PFKFB3: variants seen among roughly 807,000 people sequenced by gnomAD.
PFKFB3 encodes 6-phosphofructo-2-kinase/fructose-2,6-biphosphatase 3, also known as 6-phosphofructo-2-kinase/fructose-2,6-bisphosphatase 3.
In PFKFB3, 33 loss-of-function variants were observed where a neutral mutation model predicts 68.0. That is an observed-to-expected ratio of 0.49 (90% confidence interval 0.37 to 0.65). The LOEUF (loss-of-function observed/expected upper bound fraction) is 0.65, where lower values mean the gene tolerates loss of function less well. PFKFB3 is among the 30% of genes least tolerant of loss of function. The probability of loss-of-function intolerance (pLI) is 0.00; values close to 1 mark genes in which losing one functional copy is unlikely to be tolerated. For missense variants in PFKFB3, 586 were observed against 712.2 expected (o/e 0.82, Z 2.02); for synonymous variants, 315 against 288.2 (o/e 1.09, Z -0.94).
At chr10:6,190,583 C>T (rs1320982739) in intron 1 of PFKFB3, among the ~76,000 whole-genome samples, 1 of 152,104 alleles carries the variant, frequency 6.6e-6, no homozygotes, top group Non-Finnish European at 1.5e-5. Flanking sequence ...GGGGGGACTG[C>T]TTGAGGCTGG....
At chr10:6,188,995 C>A (rs1005006956) in intron 1 of PFKFB3, among the ~76,000 whole-genome samples, 1 of 152,018 alleles carries the variant, frequency 6.6e-6, no homozygotes. Flanking sequence ...CCACCTTGCC[C>A]GGCTAATTTT....
chr10:6,259,844 A>G, the PFKFB3 span, among the ~76,000 whole-genome samples: 2 of 152,214 alleles, frequency 1.3e-5, no homozygotes, highest in African/African-American at 4.8e-5. Context: ...CTAGCCCAGC[A>G]TTAGTAGTTA....
In PFKFB3 at chr10:6,221,425, G is replaced by A. The variant is rs1323724515; in HGVS notation, c.876G>A (p.Lys292=). 1.2e-6 allele frequency: 2 copies of A among 1,613,896 alleles called. No individual in the cohort carries two copies. Among genetic ancestry groups the A allele is most frequent in the Non-Finnish European group, 8.5e-7 (1 of 1,180,024 alleles). ...AGTTCGTGGAGGAGCAGAACCTGAA[G>A]GACCTGCGCGTGTGGACCAGCCAGC... is the stretch of plus-strand genomic sequence containing the variant. ...LSKFVEEQNL[K]DLRVWTSQLK... The change falls in exon 9 of 15, where the codon AAG becomes AAA. Residue 292 remains lysine (K), a synonymous_variant. Transcript: ENST00000379775.
the PFKFB3 span, among the ~76,000 whole-genome samples, chr10:6,287,550 A>T: frequency 6.6e-5 from 10 of 152,196 alleles, no homozygotes; most frequent in African/African-American, 1.9e-4. Context: ...AATATAGCCT[A>T]GGTGTGCAGT....
chr10:6,316,572 A>C, the PFKFB3 span, among the ~76,000 whole-genome samples: 1 of 152,054 alleles, frequency 6.6e-6, no homozygotes, highest in Non-Finnish European at 1.5e-5. Context: ...TCTGCCTCCC[A>C]GGTTCAAGGG....
intron 1 of PFKFB3, among the ~76,000 whole-genome samples, chr10:6,205,462 G>T (rs773608692): frequency 1.5e-5 from 2 of 132,776 alleles, no homozygotes; most frequent in East Asian, 4.6e-4. Context: ...GTGCGATCTC[G>T]GCTCACTGCA....
intron 1 of PFKFB3, among the ~76,000 whole-genome samples, chr10:6,192,139 T>TACATACAC (rs775843709): frequency 4.3e-4 from 51 of 119,142 alleles, no homozygotes; most frequent in African/African-American, 1.7e-3. Context: ...CATTCCCCAA[T>TACATACAC]ACACACACAC....
At chr10:6,266,936 G>A in the PFKFB3 span, among the ~76,000 whole-genome samples, 60 of 152,316 alleles carry the variant, frequency 3.9e-4, no homozygotes, top group Non-Finnish European at 5.7e-4. Flanking sequence ...ACAGCGTAAC[G>A]CAAGATTGTC....
At chr10:6,178,642 C>T (rs1842607547) in intron 1 of PFKFB3, among the ~76,000 whole-genome samples, 1 of 152,194 alleles carries the variant, frequency 6.6e-6, no homozygotes, top group Non-Finnish European at 1.5e-5. Context: ...GTGGAGATGA[C>T]TGGGGAGCAG....
chr10:6,325,569 A>T, the PFKFB3 span, among the ~76,000 whole-genome samples: 1 of 152,230 alleles, frequency 6.6e-6, no homozygotes, highest in Non-Finnish European at 1.5e-5. Context: ...CACCATTTCA[A>T]TCAGGAAAAA....
At chr10:6,307,395 A>C in the PFKFB3 span, among the ~76,000 whole-genome samples, 6 of 151,960 alleles carry the variant, frequency 3.9e-5, no homozygotes, top group East Asian at 1.2e-3. Flanking sequence ...GTTTCTCTGG[A>C]GAACGCAATC....
intron 6 of PFKFB3, 89 bp downstream of exon 6, chr10:6,217,280 C>A: frequency 1.8e-6 from 2 of 1,130,062 alleles, no homozygotes; most frequent in South Asian, 2.5e-5. Context: ...GGGTCCGGCT[C>A]GGAAGCGCAG....
In PFKFB3 at chr10:6,229,122, G is replaced by A. The variant is rs748120805; in HGVS notation, c.1515+2757G>A. The A allele has an allele frequency of 3.8e-6, 2 of 532,396 alleles. No homozygotes were observed. Among genetic ancestry groups the A allele is most frequent in the East Asian group, 5.5e-5 (1 of 18,314 alleles). The allele number at this position is 532,396 out of a possible 1,614,324, so 33.0% of individuals were successfully genotyped here. ...TACTTTATGCAGAAACTGGAAAGGT[G>A]TGATGAGGAATGCAGCCTGAGATGC... On this transcript the variant is annotated intron_variant, in intron 14 of 14. Coordinates refer to ENST00000379775, the MANE Select transcript of PFKFB3 (RefSeq NM_004566.4). This position sits in a 1 kb window ranked among gnomAD's most constrained non-coding sequence, Gnocchi z 4.3.
At chr10:6,297,821 G>A in the PFKFB3 span, among the ~76,000 whole-genome samples, 3 of 152,096 alleles carry the variant, frequency 2.0e-5, no homozygotes, top group Admixed American at 6.6e-5. Context: ...TCCTATCTGT[G>A]GGTATTTCTA....
At chr10:6,164,624 T>C (rs573652696) in intron 1 of PFKFB3, among the ~76,000 whole-genome samples, 1,631 of 152,166 alleles carry the variant, frequency 0.011, 61 homozygotes, top group East Asian at 0.098. Flanking sequence ...CCCGCACTGG[T>C]GGCCGTCTCT....
At position 6,220,581 on chromosome 10, in the gene PFKFB3, A is replaced by G; in HGVS notation, c.624-77A>G. Reference sequence around the variant, plus strand: ...CGCCTTGCTGTTCTCTGGGGATCACATCTTCGGAGACGGGCCAGGTGCATC... The same window carrying G: ...CGCCTTGCTGTTCTCTGGGGATCACGTCTTCGGAGACGGGCCAGGTGCATC... On this transcript the variant is annotated intron_variant, in intron 7 of 14. Coordinates refer to ENST00000379775, the MANE Select transcript of PFKFB3 (RefSeq NM_004566.4). This position sits in a 1 kb window ranked among gnomAD's most constrained non-coding sequence, Gnocchi z 4.1. 7.4e-7 allele frequency: 1 copy of G among 1,343,168 alleles called. No individual in the cohort carries two copies. Among genetic ancestry groups the G allele is most frequent in the Non-Finnish European group, 1.1e-6 (1 of 944,702 alleles). 83.2% of individuals were successfully genotyped at this position (1,343,168 alleles called of 1,614,324 possible).
At chr10:6,195,598 G>C (rs1285431466) in intron 1 of PFKFB3, among the ~76,000 whole-genome samples, 1 of 152,220 alleles carries the variant, frequency 6.6e-6, no homozygotes, top group African/African-American at 2.4e-5. Context: ...TACCCAGGGA[G>C]ACTGAGTCAC....
intron 14 of PFKFB3, among the ~76,000 whole-genome samples, chr10:6,251,011 G>T (rs57319805): frequency 4.6e-5 from 7 of 152,026 alleles, no homozygotes; most frequent in African/African-American, 1.7e-4. Context: ...TGTTTTAATT[G>T]GTTTGAATAC....
the PFKFB3 span, among the ~76,000 whole-genome samples, chr10:6,270,901 G>A: frequency 6.6e-6 from 1 of 152,086 alleles, no homozygotes; most frequent in South Asian, 2.1e-4. Flanking sequence ...CCCCTGCCTG[G>A]GATAGTAAGC....
Sources: gnomAD v4.1 joint callset for allele counts (sites outside exome capture counted in the v4.1 genomes callset) on GRCh38, gnomAD v4.1.1 for gene constraint, Gnocchi (gnomAD v3.1) non-coding constraint, MANE v1.5 for transcripts, NCBI Gene and HGNC (gene_info 2026-07-23, HGNC 2026-07-21) for gene names.